Variants in L1TD1 observed in about 807,000 individuals in gnomAD.
The protein encoded by L1TD1 is LINE1 type transposase domain containing 1, also known as LINE-1 type transposase domain-containing protein 1.
L1TD1 carries 26 observed loss-of-function variants against 25.7 expected under a neutral mutation model. That is an observed-to-expected ratio of 1.01 (90% CI 0.74 to 1.40). L1TD1 has a LOEUF of 1.40. L1TD1 is among the 40% of genes most tolerant of loss of function. The pLI is 0.00. For synonymous variants in L1TD1, 421 were observed against 335.6 expected, an observed-to-expected ratio of 1.25 and a Z score of -2.78; for missense variants, 1,130 against 975.0, an observed-to-expected ratio of 1.16 and a Z score of -2.12.
chr1:62,211,311 T>G lies in L1TD1; in HGVS notation c.2537T>G (p.Phe846Cys), dbSNP rs768932158. 12 of 1,613,244 alleles carry G rather than the reference T, an allele frequency of 7.4e-6. No homozygotes were observed. In the Admixed American group the frequency reaches 1.2e-4, roughly 16 times the overall value. The change falls in exon 4 of 4, where the codon TTT (phenylalanine) becomes TGT (cysteine). Residue 846 changes from phenylalanine (F) to cysteine (C), a missense_variant. Transcript: ENST00000498273. ...AAGGTATTTCTTAGTATTGAAGAAT[T>G]TAGAGATTATGTTTTGCATATGCCC... ...KTKVFLSIEEFRDYVLHMPTL... is the reference protein window; with the variant it reads ...KTKVFLSIEECRDYVLHMPTL...
intron 2 of L1TD1, among the ~76,000 whole-genome samples, chr1:62,202,973 T>G (rs1411068106): frequency 2.0e-5 from 3 of 151,898 alleles, no homozygotes. Context: ...ATGAGCCACC[T>G]CACCCAGCCT....
In L1TD1 at chr1:62,207,144, A is replaced by C. The variant is rs1436078450; in HGVS notation, c.516A>C (p.Gly172=). The C allele has an allele frequency of 1.3e-6, 2 of 1,571,292 alleles. No homozygotes were observed. Among genetic ancestry groups the C allele is most frequent in the East Asian group, 4.6e-5 (2 of 43,116 alleles). ...AATCACGAAGTTACGAAGTCATGGG[A>C]AGTATGGAAGAAACCTTATGCAATA... is the stretch of plus-strand genomic sequence containing the variant. ...QGESRSYEVM[G]SMEETLCNID... is the part of the protein sequence containing the mutation. Residue 172 remains glycine (G), a synonymous_variant, in exon 3 of 4, where the codon GGA becomes GGC. Coordinates refer to ENST00000498273, the MANE Select transcript of L1TD1 (RefSeq NM_019079.5).
intron 2 of L1TD1, among the ~76,000 whole-genome samples, chr1:62,199,843 G>A (rs1333125827): frequency 6.6e-6 from 1 of 152,150 alleles, no homozygotes; most frequent in Non-Finnish European, 1.5e-5. Context: ...CTATGAATGT[G>A]GCCAGGGTGG....
At position 62,211,111 on chromosome 1, in the gene L1TD1, G is replaced by C. The variant is rs1192395919; in HGVS notation, c.2337G>C (p.Glu779Asp). Residue 779 changes from glutamate (E) to aspartate (D), a missense_variant, in exon 4 of 4, where the codon GAG becomes GAC. Coordinates refer to ENST00000498273, the MANE Select transcript of L1TD1 (RefSeq NM_019079.5). ...AGAAAATAATAAGGGCTTCTAGAGAGAGAAGAGAAATTACCTACCAAGGAA... is the reference window on the plus strand; with the variant it reads ...AGAAAATAATAAGGGCTTCTAGAGACAGAAGAGAAATTACCTACCAAGGAA... ...DKEKIIRASR[E>D]RREITYQGTR... The C allele has an allele frequency of 6.5e-6, 10 of 1,549,316 alleles. No individual in the cohort carries two copies. In the South Asian group the frequency reaches 1.1e-4, roughly 17 times the overall value.
chr1:62,211,639 C>A lies in L1TD1; in HGVS notation c.*267C>A. The A allele has an allele frequency of 3.0e-6, 1 of 338,900 alleles. No homozygotes were observed. The highest frequency in any genetic ancestry group is 5.1e-6 in the Non-Finnish European group (1 of 195,062). The allele number at this position is 338,900 out of a possible 1,614,324, so 21.0% of individuals were successfully genotyped here. On this transcript the variant is annotated 3_prime_UTR_variant, in exon 4 of 4. Transcript: ENST00000498273. ...TCCTTGTTTTACTTCCCCCCCACCACCTCCCTACTGCAGTTGACTAGTCTT... is the reference window on the plus strand; with the variant it reads ...TCCTTGTTTTACTTCCCCCCCACCAACTCCCTACTGCAGTTGACTAGTCTT...
rs753882654 is a variant in L1TD1, at chr1:62,211,414, C to T, written c.*42C>T. On this transcript the variant is annotated 3_prime_UTR_variant, in exon 4 of 4. Coordinates refer to ENST00000498273, the MANE Select transcript of L1TD1 (RefSeq NM_019079.5). ...CAAACAATATGCTTTCCTCCCCCAG[C>T]ATGCATCCAAAAATCAACAAGTAAA... 9 of 1,525,604 alleles carry T rather than the reference C, an allele frequency of 5.9e-6. No individual in the cohort carries two copies. Among genetic ancestry groups the T allele is most frequent in the Non-Finnish European group, 7.9e-6 (9 of 1,142,034 alleles). 94.5% of individuals were successfully genotyped at this position (1,525,604 alleles called of 1,614,324 possible).
chr1:62,197,433 A>ATATATATATATATATATATAT (rs1174042182), intron 2 of L1TD1, among the ~76,000 whole-genome samples: 2 of 138,436 alleles, frequency 1.4e-5, no homozygotes, highest in Admixed American at 7.3e-5. Context: ...ATATATATAT[A>ATATATATATATATATATATAT]GTTTAGTCCT....
Position 62,206,807 on chromosome 1 carries a change from A to C in L1TD1, c.179A>C (p.Glu60Ala). ...AIMNKFKVLMEIQDLMFEEMR... is the reference protein window; with the variant it reads ...AIMNKFKVLMAIQDLMFEEMR... ...ATGAATAAGTTTAAGGTCTTAATGG[A>C]AATTCAAGACCTGATGTTTGAGGAG... Residue 60 changes from glutamate to alanine, a missense_variant, in exon 3 of 4, where the codon GAA (glutamate) becomes GCA (alanine). Transcript: ENST00000498273. 3 of 1,595,098 alleles carry C rather than the reference A, an allele frequency of 1.9e-6. No homozygotes were observed. Among genetic ancestry groups the C allele is most frequent in the Non-Finnish European group, 2.6e-6 (3 of 1,169,116 alleles).
chr1:62,209,378 TC>T (rs1209975926), intron 3 of L1TD1, among the ~76,000 whole-genome samples: 4 of 151,964 alleles, frequency 2.6e-5, no homozygotes, highest in African/African-American at 4.8e-5. Flanking sequence ...CTTATGATCT[TC>T]CTAAAGCAGA....
chr1:62,211,527 T>A lies in L1TD1; in HGVS notation c.*155T>A, dbSNP rs561213731. 4 of 1,281,824 alleles carry A rather than the reference T, an allele frequency of 3.1e-6. No individual in the cohort carries two copies. Among genetic ancestry groups the A allele is most frequent in the Admixed American group, 5.4e-5 (2 of 37,302 alleles). 79.4% of individuals were successfully genotyped at this position (1,281,824 alleles called of 1,614,324 possible). A position where few individuals can be genotyped will look rare whatever the true frequency, so the allele number is the denominator to read the frequency against. On this transcript the variant is annotated 3_prime_UTR_variant, in exon 4 of 4. Coordinates refer to ENST00000498273, the MANE Select transcript of L1TD1 (RefSeq NM_019079.5). ...AGGAATATTACAGATATTACCTAGA[T>A]GTTAATAAAGGGTATGTTTAAAAAA... is the stretch of plus-strand genomic sequence containing the variant.
At chr1:62,196,280 C>G (rs1281854885) in intron 1 of L1TD1, among the ~76,000 whole-genome samples, 155 bp from the exon 2 acceptor site, 4 of 152,152 alleles carry the variant, frequency 2.6e-5, no homozygotes, top group African/African-American at 9.7e-5. Flanking sequence ...CAGCCCTCTC[C>G]CGACTTACAC....
At chr1:62,200,852 CAT>C (rs1381913478) in intron 2 of L1TD1, among the ~76,000 whole-genome samples, 5 of 152,032 alleles carry the variant, frequency 3.3e-5, no homozygotes, top group African/African-American at 1.2e-4. Flanking sequence ...CCACCTTTCA[CAT>C]GTTTACTATT....
chr1:62,203,658 A>T (rs1379236440), intron 2 of L1TD1, among the ~76,000 whole-genome samples: 1 of 152,176 alleles, frequency 6.6e-6, no homozygotes, highest in Non-Finnish European at 1.5e-5. Context: ...GGCTCACTGC[A>T]AGCTCTGCCT....
At chr1:62,198,980 G>A (rs1316442735) in intron 2 of L1TD1, among the ~76,000 whole-genome samples, 1 of 152,098 alleles carries the variant, frequency 6.6e-6, no homozygotes, top group Non-Finnish European at 1.5e-5. Context: ...TGGGACTGCA[G>A]GCAGAAGCCA....
In L1TD1 at chr1:62,211,203, T is replaced by A; in HGVS notation, c.2429T>A (p.Val810Asp). Residue 810 changes from valine (V) to aspartate (D), a missense_variant, in exon 4 of 4, where the codon GTC becomes GAC. Transcript: ENST00000498273. ...GATGCTAGAAGTAAATGGAGCAATGTCTTCAAAGTTCTGCTGGAAAAAGGC... is the reference window on the plus strand; with the variant it reads ...GATGCTAGAAGTAAATGGAGCAATGACTTCAAAGTTCTGCTGGAAAAAGGC... Reference protein sequence around the residue: ...TLDARSKWSNVFKVLLEKGFN... With the variant: ...TLDARSKWSNDFKVLLEKGFN... The A allele has an allele frequency of 6.4e-7, 1 of 1,553,552 alleles. No homozygotes were observed.
Position 62,206,686 on chromosome 1 carries a change from G to A in L1TD1, c.58G>A (p.Glu20Lys). Reference sequence around the variant, plus strand: ...ATTTGCTAGACTTGCAAAGAAAAAGGAAAATATCACCTATATGAAAAGAGA... The same window carrying A: ...ATTTGCTAGACTTGCAAAGAAAAAGAAAAATATCACCTATATGAAAAGAGA... ...SKFARLAKKK[E>K]NITYMKREQL... Residue 20 changes from glutamate (E) to lysine (K), a missense_variant, in exon 3 of 4, where the codon GAA becomes AAA. By Grantham distance (56) the Glu-to-Lys change is moderately conservative. Coordinates refer to ENST00000498273, the MANE Select transcript of L1TD1 (RefSeq NM_019079.5). 6.5e-7 allele frequency: 1 copy of A among 1,548,170 alleles called. No individual in the cohort carries two copies. Among genetic ancestry groups the A allele is most frequent in the Non-Finnish European group, 8.7e-7 (1 of 1,146,048 alleles).
chr1:62,211,449 C>G lies in L1TD1; in HGVS notation c.*77C>G, dbSNP rs999493625. 5.3e-6 allele frequency: 8 copies of G among 1,513,404 alleles called. No homozygotes were observed. Among genetic ancestry groups the G allele is most frequent in the Non-Finnish European group, 7.0e-6 (8 of 1,138,424 alleles). 93.7% of individuals were successfully genotyped at this position (1,513,404 alleles called of 1,614,324 possible). A position where few individuals can be genotyped will look rare whatever the true frequency, so the allele number is the denominator to read the frequency against. ...AAAATCAACAAGTAAAACGAAAATA[C>G]ACTTCTACCCAGAAGGATGGACAGC... is the stretch of plus-strand genomic sequence containing the variant. On this transcript the variant is annotated 3_prime_UTR_variant, in exon 4 of 4. Coordinates refer to ENST00000498273, the MANE Select transcript of L1TD1 (RefSeq NM_019079.5).
rs747285659 is a variant in L1TD1, at chr1:62,207,883, T to C, written c.1008+247T>C. ...ATGCACCACCACGCCCAGATAATTT[T>C]GTATTTTCAGTAGAGACGGGGTTTC... On this transcript the variant is annotated intron_variant, in intron 3 of 3. Coordinates refer to ENST00000498273, the MANE Select transcript of L1TD1 (RefSeq NM_019079.5). Among the ~76,000 whole-genome samples, 14 of 152,216 alleles carry C rather than the reference T, an allele frequency of 9.2e-5. No homozygotes were observed. In the Middle Eastern group the frequency reaches 0.01, roughly 111 times the overall value.
In L1TD1 at chr1:62,210,906, A is replaced by C. The variant is rs1300534895; in HGVS notation, c.2132A>C (p.Glu711Ala). 3 of 1,551,458 alleles carry C rather than the reference A, an allele frequency of 1.9e-6. No individual in the cohort carries two copies. The highest frequency in any genetic ancestry group is 1.7e-6 in the Non-Finnish European group (2 of 1,146,934). Residue 711 changes from glutamate (E) to alanine (A), a missense_variant, in exon 4 of 4, where the codon GAG becomes GCG. Coordinates refer to ENST00000498273, the MANE Select transcript of L1TD1 (RefSeq NM_019079.5). ...NIRLIGIPEKESYENRAEDII... is the reference protein window; with the variant it reads ...NIRLIGIPEKASYENRAEDII... ...CGTTTGATAGGAATTCCAGAAAAGG[A>C]GAGTTATGAGAATAGGGCAGAGGAC... is the stretch of plus-strand genomic sequence containing the variant.
Sources: gnomAD v4.1 joint callset for allele counts (sites outside exome capture counted in the v4.1 genomes callset) on GRCh38, gnomAD v4.1.1 for gene constraint, MANE v1.5 for transcripts, NCBI Gene and HGNC (gene_info 2026-07-23, HGNC 2026-07-21) for gene names.